Variants in TRPC4AP observed in about 807,000 individuals in gnomAD.
TRPC4AP encodes the protein transient receptor potential cation channel subfamily C member 4 associated protein, also known as short transient receptor potential channel 4-associated protein.
TRPC4AP carries 45 observed loss-of-function variants against 99.0 expected under a neutral mutation model. The ratio of observed to expected loss-of-function variants is 0.45; its 90% CI spans 0.36 to 0.58. The LOEUF (loss-of-function observed/expected upper bound fraction) is 0.58. Ranked by LOEUF, TRPC4AP falls within the 20% of genes least tolerant of loss-of-function variation. The probability of loss-of-function intolerance (pLI) is 0.00; values close to 1 mark genes in which losing one functional copy is unlikely to be tolerated. For missense variants in TRPC4AP, 879 were observed against 985.3 expected (o/e 0.89, Z 1.44); for synonymous variants, 408 against 385.8 (o/e 1.06, Z -0.67).
chr20:35,045,709 T>C (rs1339822930), intron 6 of TRPC4AP, among the ~76,000 whole-genome samples: 15 of 152,258 alleles, frequency 9.9e-5, no homozygotes, highest in African/African-American at 3.4e-4. Flanking sequence ...TGGCTAATTT[T>C]TGTATTTTTT....
chr20:35,048,458 A>T (rs1399779161), intron 6 of TRPC4AP, among the ~76,000 whole-genome samples: 1 of 152,092 alleles, frequency 6.6e-6, no homozygotes, highest in Non-Finnish European at 1.5e-5. Flanking sequence ...ACCTCAAGAG[A>T]TCTGCCTGCC....
chr20:35,070,690 G>T lies in TRPC4AP; in HGVS notation c.298-1278C>A, dbSNP rs187287908. Among the ~76,000 whole-genome samples, 11 of 152,280 alleles carry T rather than the reference G, an allele frequency of 7.2e-5. No homozygotes were observed. In the East Asian group the frequency reaches 2.1e-3, roughly 29 times the overall value. On this transcript the variant is annotated intron_variant, in intron 2 of 18. Coordinates refer to ENST00000252015, the MANE Select transcript of TRPC4AP (RefSeq NM_015638.3). Reference sequence around the variant, plus strand: ...TGGGATTACAGGCGTGAGTCACTGCGCCCGGCCAAACCTATGTTATTTCTT... The same window carrying T: ...TGGGATTACAGGCGTGAGTCACTGCTCCCGGCCAAACCTATGTTATTTCTT...
At chr20:35,016,890 A>G (rs974404907) in intron 9 of TRPC4AP, among the ~76,000 whole-genome samples, 4 of 152,226 alleles carry the variant, frequency 2.6e-5, no homozygotes, top group African/African-American at 7.2e-5. Flanking sequence ...AAAGATGACA[A>G]AGCTTTATAA....
At position 35,006,429 on chromosome 20, in the gene TRPC4AP, C is replaced by T. The variant is rs1308040155; in HGVS notation, c.1827+6G>A. ...CACACTCCACAGAGCCCTGGGTTAA[C>T]TTTACCTTTGCATCGGTGTTGATAT... On this transcript the variant is annotated splice_donor_region_variant and intron_variant, in intron 15 of 18. Coordinates refer to ENST00000252015, the MANE Select transcript of TRPC4AP (RefSeq NM_015638.3). 2 of 1,613,942 alleles carry T rather than the reference C, an allele frequency of 1.2e-6. No homozygotes were observed. The highest frequency in any genetic ancestry group is 1.1e-5 in the South Asian group (1 of 91,044).
intron 1 of TRPC4AP, among the ~76,000 whole-genome samples, chr20:35,087,944 G>A (rs1478796056): frequency 3.3e-5 from 5 of 152,212 alleles, no homozygotes; most frequent in African/African-American, 4.8e-5. Flanking sequence ...GGAAAAGGGA[G>A]AGGATTTTGG....
chr20:35,075,065 G>A (rs929460590), intron 2 of TRPC4AP, among the ~76,000 whole-genome samples: 2 of 149,416 alleles, frequency 1.3e-5, no homozygotes, highest in Non-Finnish European at 3.0e-5. Flanking sequence ...TTTTATCAGA[G>A]ACTAGGATTG....
rs180880118 is a variant in TRPC4AP, at chr20:35,084,205, G to A, written c.169-6031C>T. ...TAATCCCAGCTACTCGGGGGGCATA[G>A]GTTGCAGGGAGCCGAGATTGCGCCA... On this transcript the variant is annotated intron_variant, in intron 1 of 18. Coordinates refer to ENST00000252015, the MANE Select transcript of TRPC4AP (RefSeq NM_015638.3). Among the ~76,000 whole-genome samples the A allele has an allele frequency of 4.5e-3, 686 of 151,726 alleles. 3 individuals are homozygous for A. Among genetic ancestry groups the A allele is most frequent in the African/African-American group, 0.016 (659 of 41,342 alleles).
chr20:35,015,697 C>T (rs2082738661), intron 10 of TRPC4AP, among the ~76,000 whole-genome samples: 1 of 152,008 alleles, frequency 6.6e-6, no homozygotes, highest in African/African-American at 2.4e-5. Flanking sequence ...ACCATGTTGG[C>T]CAGGCTGGTC....
At chr20:35,069,444 T>A in intron 2 of TRPC4AP, 32 bp from the exon 3 acceptor site, 1 of 1,376,204 alleles carries the variant, frequency 7.3e-7, no homozygotes, top group Non-Finnish European at 1.0e-6. Flanking sequence ...ACATACATTG[T>A]TTTAGTAACC....
In TRPC4AP at chr20:35,088,741, T is replaced by C. The variant is rs191221587; in HGVS notation, c.168+3873A>G. Among the ~76,000 whole-genome samples, 10 of 152,304 alleles carry C rather than the reference T, an allele frequency of 6.6e-5. No individual in the cohort carries two copies. In the East Asian group the frequency reaches 1.9e-3, roughly 29 times the overall value. On this transcript the variant is annotated intron_variant, in intron 1 of 18. Transcript: ENST00000252015. ...GGATTCAATTCAGGTCCACCTTACTTTAAAATCTGATTTTTTTTTCCAAGG... is the reference window on the plus strand; with the variant it reads ...GGATTCAATTCAGGTCCACCTTACTCTAAAATCTGATTTTTTTTTCCAAGG...
intron 3 of TRPC4AP, among the ~76,000 whole-genome samples, chr20:35,063,846 GCAA>G (rs1193170967): frequency 6.6e-6 from 1 of 152,118 alleles, no homozygotes; most frequent in Non-Finnish European, 1.5e-5. Context: ...GTGACACAGT[GCAA>G]CTCTATCTCT....
At chr20:35,081,952 T>A (rs2084658418) in intron 1 of TRPC4AP, among the ~76,000 whole-genome samples, 1 of 152,056 alleles carries the variant, frequency 6.6e-6, no homozygotes, top group Non-Finnish European at 1.5e-5. Flanking sequence ...ACCATTGCAC[T>A]CCAGCCTGGG....
intron 9 of TRPC4AP, among the ~76,000 whole-genome samples, chr20:35,018,001 G>C (rs754565015): frequency 6.6e-6 from 1 of 152,154 alleles, no homozygotes; most frequent in Non-Finnish European, 1.5e-5. Context: ...GGGAGGTACG[G>C]CTGACATCTA....
At chr20:35,081,088 T>C (rs1053428438) in intron 1 of TRPC4AP, among the ~76,000 whole-genome samples, 10 of 152,026 alleles carry the variant, frequency 6.6e-5, no homozygotes, top group Non-Finnish European at 1.0e-4. Context: ...AAGAAATATT[T>C]AAAAGAAGAA....
chr20:35,086,555 GTGTGTGTGTGTGTGTGTGTGTA>G (rs1569158155), intron 1 of TRPC4AP, among the ~76,000 whole-genome samples: 12 of 52,352 alleles, frequency 2.3e-4, no homozygotes, highest in Admixed American at 9.9e-4. Flanking sequence ...GTGTGTGTGT[GTGTGTGTGTGTGTGTGTGTGTA>G]TATATATATG....
rs185046445 is a variant in TRPC4AP, at chr20:35,003,107, C to T, written c.*39G>A. Reference sequence around the variant, plus strand: ...CGTGTGGCATCGTACCCACGCTCACCCACACTGGCCCAGCAGCCTCCCGAG... The same window carrying T: ...CGTGTGGCATCGTACCCACGCTCACTCACACTGGCCCAGCAGCCTCCCGAG... On this transcript the variant is annotated 3_prime_UTR_variant, in exon 19 of 19. Transcript: ENST00000252015. 5 of 1,612,096 alleles carry T rather than the reference C, an allele frequency of 3.1e-6. No individual in the cohort carries two copies. Among genetic ancestry groups the T allele is most frequent in the African/African-American group, 1.3e-5 (1 of 75,034 alleles).
chr20:35,041,990 A>G (rs2083455090), intron 7 of TRPC4AP, among the ~76,000 whole-genome samples: 1 of 152,242 alleles, frequency 6.6e-6, no homozygotes, highest in Admixed American at 6.5e-5. Flanking sequence ...GCTCTGAGGT[A>G]TAATTTAGTT....
intron 3 of TRPC4AP, among the ~76,000 whole-genome samples, chr20:35,068,978 C>CAAAAAAA (rs1555914270): frequency 7.4e-5 from 7 of 95,186 alleles, no homozygotes; most frequent in African/African-American, 2.0e-4. Context: ...CACACACACA[C>CAAAAAAA]AAAAAAAACA....
Position 35,018,604 on chromosome 20 carries a change from G to GAAAAAAAAAAAAAA in TRPC4AP, c.1219-2479_1219-2466dup, listed in dbSNP as rs11479211. ...GCAGAGCAAGACTGTCTCAAAAAAAGAAAAAAAAAAAAAAAAAAAAAAGAA... is the reference window on the plus strand; with the variant it reads ...GCAGAGCAAGACTGTCTCAAAAAAAGAAAAAAAAAAAAAAAAAAAAAAAAAAAAAAAAAAAAGAA... On this transcript the variant is annotated intron_variant, in intron 9 of 18. Transcript: ENST00000252015. Among the ~76,000 whole-genome samples the GAAAAAAAAAAAAAA allele has an allele frequency of 1.7e-3, 152 of 88,934 alleles. 1 individual carries two copies. Among genetic ancestry groups the GAAAAAAAAAAAAAA allele is most frequent in the Non-Finnish European group, 2.1e-3 (96 of 46,586 alleles). The allele number at this position is 88,934 out of a possible 152,430, so 58.3% of individuals were successfully genotyped here. A position where few individuals can be genotyped will look rare whatever the true frequency, so the allele number is the denominator to read the frequency against.
Sources: gnomAD v4.1 joint callset for allele counts (sites outside exome capture counted in the v4.1 genomes callset) on GRCh38, gnomAD v4.1.1 for gene constraint, MANE v1.5 for transcripts, NCBI Gene and HGNC (gene_info 2026-07-23, HGNC 2026-07-21) for gene names.